Variants in NCKAP1 observed in about 807,000 individuals in gnomAD.
The protein encoded by NCKAP1 is nck-associated protein 1.
Under a neutral mutation model 151.2 loss-of-function variants are expected in NCKAP1, and 21 were observed. That is an observed-to-expected ratio of 0.14 (90% CI 0.10 to 0.20). The LOEUF (loss-of-function observed/expected upper bound fraction) is 0.20. Among genes scored for constraint, NCKAP1 ranks in the 10% least tolerant of loss-of-function variants. The pLI is 1.00. For synonymous variants in NCKAP1, 484 were observed against 451.8 expected (o/e 1.07, Z -0.90); for missense variants, 933 against 1,352.1 (o/e 0.69, Z 4.86).
At chr2:183,012,759 G>T (rs1194066234) in intron 2 of NCKAP1, among the ~76,000 whole-genome samples, 1 of 148,400 alleles carries the variant, frequency 6.7e-6, no homozygotes, top group East Asian at 2.0e-4. Flanking sequence ...GAAAACATGC[G>T]CACGCCACCA....
chr2:182,931,666 T>C (rs1696767631), intron 26 of NCKAP1, among the ~76,000 whole-genome samples: 1 of 152,010 alleles, frequency 6.6e-6, no homozygotes, highest in Non-Finnish European at 1.5e-5. Flanking sequence ...CAAAAACAGA[T>C]AAAATGGACT....
chr2:183,003,334 A>C lies in NCKAP1; in HGVS notation c.220-9T>G. 6.5e-7 allele frequency: 1 copy of C among 1,538,176 alleles called. No individual in the cohort carries two copies. ...AGTTGTGCAAGCTGTTGCTGTAAAA[A>C]CAAAATTAGAATGCATTGCTCATAG... is the stretch of plus-strand genomic sequence containing the variant. On this transcript the variant is annotated splice_polypyrimidine_tract_variant and intron_variant, in intron 2 of 30. Coordinates refer to ENST00000361354, the MANE Select transcript of NCKAP1 (RefSeq NM_013436.5).
intron 2 of NCKAP1, among the ~76,000 whole-genome samples, chr2:183,020,478 AAAG>A (rs1334001493): frequency 2.1e-5 from 3 of 145,690 alleles, no homozygotes; most frequent in African/African-American, 2.7e-5. Context: ...AAAAAAAAAA[AAAG>A]AAAAAAAAGA....
chr2:183,007,985 G>A (rs1698512519), intron 2 of NCKAP1, among the ~76,000 whole-genome samples: 1 of 152,122 alleles, frequency 6.6e-6, no homozygotes, highest in Admixed American at 6.6e-5. Context: ...GGAGTGCAAT[G>A]GCACAATCTC....
At chr2:182,948,583 G>T (rs930231245) in intron 23 of NCKAP1, among the ~76,000 whole-genome samples, 1 of 152,002 alleles carries the variant, frequency 6.6e-6, no homozygotes, top group African/African-American at 2.4e-5. Flanking sequence ...TAAAATAATT[G>T]TTAAAAGACT....
intron 2 of NCKAP1, among the ~76,000 whole-genome samples, chr2:183,006,226 G>T (rs1392719148): frequency 6.6e-6 from 1 of 152,100 alleles, no homozygotes; most frequent in Non-Finnish European, 1.5e-5. Context: ...ATGGTTAAAT[G>T]ACTTAACATC....
At chr2:183,015,892 T>C (rs780096591) in intron 2 of NCKAP1, among the ~76,000 whole-genome samples, 4 of 145,574 alleles carry the variant, frequency 2.7e-5, no homozygotes, top group Non-Finnish European at 4.6e-5. Context: ...AAAAAAAAAC[T>C]ATATTAAAGT....
At chr2:183,025,975 G>T (rs1698886982) in intron 1 of NCKAP1, among the ~76,000 whole-genome samples, 1 of 152,130 alleles carries the variant, frequency 6.6e-6, no homozygotes, top group African/African-American at 2.4e-5. Context: ...GAAAATGACA[G>T]ATCACCATAT....
At position 182,918,298 on chromosome 2, in the gene NCKAP1, A is replaced by T. The variant is rs1266123092; in HGVS notation, c.*7404T>A. ...CATTGTTAATGTAAAGCAGTTTCAA[A>T]TGCTACTGGATAGAATTTGATCCAG... On this transcript the variant is annotated 3_prime_UTR_variant, in exon 31 of 31. Coordinates refer to ENST00000361354, the MANE Select transcript of NCKAP1 (RefSeq NM_013436.5). 1 of 152,158 alleles carries T rather than the reference A, an allele frequency of 6.6e-6. No individual in the cohort carries two copies. The highest frequency in any genetic ancestry group is 1.5e-5 in the Non-Finnish European group (1 of 68,016). The allele number at this position is 152,158 out of a possible 1,614,324, so 9.4% of individuals were successfully genotyped here.
intron 12 of NCKAP1, 150 bp from the exon 13 acceptor site, chr2:182,981,526 T>C (rs1697938684): frequency 1.9e-5 from 10 of 534,062 alleles, no homozygotes; most frequent in Non-Finnish European, 6.3e-6. Context: ...TTTTAAATCA[T>C]TTCATGAATA....
At chr2:183,024,782 T>C (rs1346225248) in intron 1 of NCKAP1, among the ~76,000 whole-genome samples, 1 of 152,232 alleles carries the variant, frequency 6.6e-6, no homozygotes, top group Non-Finnish European at 1.5e-5. Context: ...CTTCTTTTTA[T>C]TGCATTTTGA....
chr2:182,975,731 T>C (rs1422882309), intron 15 of NCKAP1, among the ~76,000 whole-genome samples: 1 of 151,948 alleles, frequency 6.6e-6, no homozygotes, highest in Admixed American at 6.6e-5. Flanking sequence ...CATAGCAAGA[T>C]TCAGTCTCTA....
Position 182,910,995 on chromosome 2 carries a change from A to G in NCKAP1, c.*14707T>C, listed in dbSNP as rs1235769761. 7.2e-6 allele frequency: 1 copy of G among 138,142 alleles called. No homozygotes were observed. Among genetic ancestry groups the G allele is most frequent in the South Asian group, 2.7e-4 (1 of 3,654 alleles). 8.6% of individuals were successfully genotyped at this position (138,142 alleles called of 1,614,324 possible). A position where few individuals can be genotyped will look rare whatever the true frequency, so the allele number is the denominator to read the frequency against. On this transcript the variant is annotated 3_prime_UTR_variant, in exon 31 of 31. Transcript: ENST00000361354. ...AACAGACCCTCTCCTGGCCAAGAGG[A>G]CTTCAGGGAAACCTTAAAAACTGAG...
At chr2:182,997,128 TTC>T (rs756878170) in intron 6 of NCKAP1, among the ~76,000 whole-genome samples, 4 of 152,162 alleles carry the variant, frequency 2.6e-5, no homozygotes, top group Non-Finnish European at 5.9e-5. Flanking sequence ...TATTTGCATC[TTC>T]TCTCTCTCTT....
intron 4 of NCKAP1, 103 bp from the exon 5 acceptor site, chr2:183,002,372 T>G (rs1480753452): frequency 1.2e-6 from 1 of 810,204 alleles, no homozygotes; most frequent in East Asian, 2.9e-5. Context: ...ATTTTCTGTA[T>G]TTATTTTATC....
At chr2:183,027,863 C>G (rs1395946419) in intron 1 of NCKAP1, among the ~76,000 whole-genome samples, 1 of 152,042 alleles carries the variant, frequency 6.6e-6, no homozygotes, top group African/African-American at 2.4e-5. Flanking sequence ...AGAAAACAGC[C>G]TGCTATTGGT....
intron 9 of NCKAP1, 94 bp from the exon 10 acceptor site, chr2:182,986,321 T>C: frequency 9.3e-7 from 1 of 1,072,718 alleles, no homozygotes; most frequent in Non-Finnish European, 1.4e-6. Flanking sequence ...AAAAATGACA[T>C]TATCAATTCA....
chr2:183,024,999 G>T (rs1698868438), intron 1 of NCKAP1: 2 of 1,611,732 alleles, frequency 1.2e-6, no homozygotes, highest in African/African-American at 2.7e-5. Flanking sequence ...GTCCTTGCTG[G>T]GGAAGCATTG....
chr2:182,954,585 C>A (rs906672316), intron 20 of NCKAP1, among the ~76,000 whole-genome samples: 42 of 152,172 alleles, frequency 2.8e-4, no homozygotes, highest in African/African-American at 9.4e-4. Flanking sequence ...TATTCACAAG[C>A]TATCTGGCTG....
Sources: allele counts gnomAD v4.1 joint callset (sites outside exome capture counted in the v4.1 genomes callset), GRCh38; gene constraint gnomAD v4.1.1; transcripts MANE v1.5; gene names NCBI Gene and HGNC (gene_info 2026-07-23, HGNC 2026-07-21).